CCBE1: variants seen among roughly 807,000 people sequenced by gnomAD.
CCBE1 encodes the protein collagen and calcium binding EGF domains 1.
A neutral mutation model predicts 50.0 loss-of-function variants in CCBE1; 37 were observed. The ratio of observed to expected loss-of-function variants is 0.74; its 90% confidence interval spans 0.57 to 0.97. The LOEUF (loss-of-function observed/expected upper bound fraction) is 0.97, where lower values mean the gene tolerates loss of function less well. CCBE1 is among the 50% of genes least tolerant of loss of function. The pLI is 0.00. For missense variants in CCBE1, 538 were observed against 523.8 expected, an observed-to-expected ratio of 1.03 and a Z score of -0.26; for synonymous variants, 234 against 203.7, an observed-to-expected ratio of 1.15 and a Z score of -1.27.
At position 59,624,758 on chromosome 18, in the gene CCBE1, C is replaced by T. The variant is rs145101553; in HGVS notation, c.212+71871G>A. Among the ~76,000 whole-genome samples, 106 of 152,350 alleles carry T rather than the reference C, an allele frequency of 7.0e-4. 1 individual carries two copies. Among genetic ancestry groups the T allele is most frequent in the African/African-American group, 2.4e-3 (99 of 41,588 alleles). On this transcript the variant is annotated intron_variant, in intron 2 of 10. Coordinates refer to ENST00000439986, the MANE Select transcript of CCBE1 (RefSeq NM_133459.4). ...CTCTTGTCACCAGCCACTTTGGTGA[C>T]ATTGGCTAGGTAAGGTGATTCTACC...
intron 2 of CCBE1, among the ~76,000 whole-genome samples, chr18:59,543,436 A>T (rs1240266371): frequency 1.3e-5 from 2 of 152,212 alleles, no homozygotes; most frequent in Non-Finnish European, 2.9e-5. Context: ...AAAGAGTCTG[A>T]TTATGTACAT....
At chr18:59,549,452 G>A (rs1035237173) in intron 2 of CCBE1, among the ~76,000 whole-genome samples, 2 of 152,170 alleles carry the variant, frequency 1.3e-5, no homozygotes, top group Admixed American at 6.5e-5. Context: ...ACCGAATTAA[G>A]AGCGTCTAAT....
chr18:59,683,377 G>A (rs1188059410), intron 2 of CCBE1, among the ~76,000 whole-genome samples: 1 of 152,162 alleles, frequency 6.6e-6, no homozygotes, highest in Non-Finnish European at 1.5e-5. Context: ...TTAAAAGGCT[G>A]AACAGTGGGA....
At chr18:59,587,323 T>C (rs2144525160) in intron 2 of CCBE1, among the ~76,000 whole-genome samples, 1 of 152,288 alleles carries the variant, frequency 6.6e-6, no homozygotes, top group South Asian at 2.1e-4. Flanking sequence ...ATTTCAGGAA[T>C]GGAAGTGTAA....
chr18:59,652,433 C>T (rs550795595), intron 2 of CCBE1, among the ~76,000 whole-genome samples: 5 of 152,074 alleles, frequency 3.3e-5, no homozygotes, highest in South Asian at 4.2e-4. Context: ...CCAGTTCCTT[C>T]GGCATGGTTT....
At chr18:59,482,908 T>G (rs1912643165) in intron 2 of CCBE1, among the ~76,000 whole-genome samples, 1 of 124,818 alleles carries the variant, frequency 8.0e-6, no homozygotes. Flanking sequence ...TTTTTTTTTG[T>G]AACTATTAAA....
At chr18:59,548,875 A>C (rs1335281473) in intron 2 of CCBE1, among the ~76,000 whole-genome samples, 2 of 152,118 alleles carry the variant, frequency 1.3e-5, no homozygotes, top group African/African-American at 4.8e-5. Flanking sequence ...TAAACATAGG[A>C]AAGTTACACC....
chr18:59,466,635 A>G (rs556253017), intron 5 of CCBE1, 104 bp downstream of exon 5: 5 of 501,918 alleles, frequency 1.0e-5, no homozygotes, highest in Admixed American at 4.2e-5. Context: ...TTATATATAC[A>G]ATTATATAAT....
At chr18:59,629,130 G>A (rs1204478645) in intron 2 of CCBE1, among the ~76,000 whole-genome samples, 1 of 152,144 alleles carries the variant, frequency 6.6e-6, no homozygotes, top group South Asian at 2.1e-4. Context: ...GGAGTAAGAG[G>A]TGCCTGCAAT....
chr18:59,596,534 C>T (rs144698862), intron 2 of CCBE1, among the ~76,000 whole-genome samples: 51 of 152,156 alleles, frequency 3.4e-4, no homozygotes, highest in African/African-American at 6.3e-4. Context: ...TGATATACGG[C>T]GGAGGAAAAA....
At chr18:59,634,600 TA>T (rs1409825864) in intron 2 of CCBE1, among the ~76,000 whole-genome samples, 1 of 151,912 alleles carries the variant, frequency 6.6e-6, no homozygotes, top group Admixed American at 6.6e-5. Flanking sequence ...AAACAAGAAA[TA>T]GCAAAAGAGA....
chr18:59,655,085 C>CAA (rs10646215), intron 2 of CCBE1, among the ~76,000 whole-genome samples: 1,983 of 122,684 alleles, frequency 0.016, 91 homozygotes, highest in African/African-American at 0.047. Context: ...GAGACTATGT[C>CAA]AAAAAAAAAA....
At chr18:59,691,642 G>A (rs890049714) in intron 2 of CCBE1, among the ~76,000 whole-genome samples, 8 of 152,176 alleles carry the variant, frequency 5.3e-5, no homozygotes, top group Non-Finnish European at 1.0e-4. Context: ...CTGACCTCGT[G>A]ATCTGCCTGC....
Position 59,435,819 on chromosome 18 carries a change from G to T in CCBE1, c.*89C>A, listed in dbSNP as rs899886229. ...AGAAGAGAAAAATGTATGTTTTCTA[G>T]GTCTCCAGTGGTCTTTCTTCTCTTT... On this transcript the variant is annotated 3_prime_UTR_variant, in exon 11 of 11. Coordinates refer to ENST00000439986, the MANE Select transcript of CCBE1 (RefSeq NM_133459.4). 3 of 1,103,874 alleles carry T rather than the reference G, an allele frequency of 2.7e-6. No homozygotes were observed. The highest frequency in any genetic ancestry group is 2.8e-6 in the Non-Finnish European group (2 of 715,510). The allele number at this position is 1,103,874 out of a possible 1,614,324, so 68.4% of individuals were successfully genotyped here.
At chr18:59,595,814 C>T (rs1210263323) in intron 2 of CCBE1, among the ~76,000 whole-genome samples, 2 of 152,106 alleles carry the variant, frequency 1.3e-5, no homozygotes, top group African/African-American at 4.8e-5. Flanking sequence ...CATTTTAATA[C>T]CAGGATGAGG....
chr18:59,491,198 C>A (rs377330472), intron 2 of CCBE1, among the ~76,000 whole-genome samples: 1 of 152,150 alleles, frequency 6.6e-6, no homozygotes, highest in African/African-American at 2.4e-5. Flanking sequence ...GATAAACTGA[C>A]CAATATAACA....
At chr18:59,534,226 A>G (rs1915158035) in intron 2 of CCBE1, among the ~76,000 whole-genome samples, 1 of 152,264 alleles carries the variant, frequency 6.6e-6, no homozygotes, top group Non-Finnish European at 1.5e-5. Flanking sequence ...CGACCTCAAA[A>G]TAACACACCT....
At chr18:59,501,657 G>A (rs1331169760) in intron 2 of CCBE1, among the ~76,000 whole-genome samples, 1 of 152,106 alleles carries the variant, frequency 6.6e-6, no homozygotes, top group African/African-American at 2.4e-5. Flanking sequence ...TACTACCTGT[G>A]CTGGTCTCAG....
intron 2 of CCBE1, among the ~76,000 whole-genome samples, chr18:59,606,863 C>T (rs1341282431): frequency 6.6e-6 from 1 of 152,166 alleles, no homozygotes; most frequent in African/African-American, 2.4e-5. Flanking sequence ...TAAATGCCTA[C>T]ACTCCAAATG....
Sources: allele counts gnomAD v4.1 joint callset (sites outside exome capture counted in the v4.1 genomes callset), GRCh38; gene constraint gnomAD v4.1.1; transcripts MANE v1.5; gene names NCBI Gene and HGNC (gene_info 2026-07-23, HGNC 2026-07-21).